Variants in ANKRD45 observed in about 807,000 individuals in gnomAD.
ANKRD45 encodes the protein ankyrin repeat domain 45, also known as ankyrin repeat domain-containing protein 45.
ANKRD45 carries 21 observed loss-of-function variants against 28.1 expected under a neutral mutation model. The ratio of observed to expected loss-of-function variants is 0.75; its 90% CI spans 0.53 to 1.08. The LOEUF is 1.08. Ranked by LOEUF, ANKRD45 falls within the 50% of genes least tolerant of loss-of-function variation. The probability of loss-of-function intolerance (pLI) is 0.00; values close to 1 mark genes in which losing one functional copy is unlikely to be tolerated. For synonymous variants in ANKRD45, 86 were observed against 103.9 expected (o/e 0.83, Z 1.05); for missense variants, 261 against 308.7 (o/e 0.85, Z 1.16).
At chr1:173,688,087 T>C in the ANKRD45 span, among the ~76,000 whole-genome samples, 1 of 152,180 alleles carries the variant, frequency 6.6e-6, no homozygotes, top group East Asian at 1.9e-4. Flanking sequence ...CTACGGGTTA[T>C]TGGGTTAAGG....
the ANKRD45 span, among the ~76,000 whole-genome samples, chr1:173,710,962 A>G: frequency 6.6e-6 from 1 of 152,060 alleles, no homozygotes; most frequent in Non-Finnish European, 1.5e-5. Context: ...CTGTGATTGC[A>G]CTACTGCACT....
chr1:173,614,960 G>A (rs1345123096), intron 5 of ANKRD45, among the ~76,000 whole-genome samples: 2 of 151,984 alleles, frequency 1.3e-5, no homozygotes, highest in African/African-American at 4.8e-5. Context: ...GCAATGACAG[G>A]TGCACGCCAC....
rs1669678736 is a variant in ANKRD45 at position 173,659,253 on chromosome 1, C to T, written c.166G>A (p.Glu56Lys). Reference sequence around the variant, plus strand: ...TCATGATGAGGATTCTCAGGATCCTCAAATATCTTCTGCAAACCCTCTACA... The same window carrying T: ...TCATGATGAGGATTCTCAGGATCCTTAAATATCTTCTGCAAACCCTCTACA... ...GDVEGLQKIF[E>K]DPENPHHEQA... Residue 56 changes from glutamate to lysine, a missense_variant, in exon 2 of 6, where the codon GAG becomes AAG. By Grantham distance (56) the Glu-to-Lys change is moderately conservative. Coordinates refer to ENST00000333279, the MANE Select transcript of ANKRD45 (RefSeq NM_198493.3). The T allele has an allele frequency of 6.2e-7, 1 of 1,613,984 alleles. No individual in the cohort carries two copies. The highest frequency in any genetic ancestry group is 1.3e-5 in the African/African-American group (1 of 74,894).
the ANKRD45 span, among the ~76,000 whole-genome samples, chr1:173,677,986 C>G: frequency 6.6e-6 from 1 of 151,974 alleles, no homozygotes; most frequent in Non-Finnish European, 1.5e-5. Context: ...CCACAACAAA[C>G]AGAACTGTGG....
the ANKRD45 span, among the ~76,000 whole-genome samples, chr1:173,693,427 G>A: frequency 6.6e-6 from 1 of 152,088 alleles, no homozygotes; most frequent in Non-Finnish European, 1.5e-5. Flanking sequence ...ACAAGCACTG[G>A]TTATAGACAT....
the ANKRD45 span, among the ~76,000 whole-genome samples, chr1:173,703,539 C>T: frequency 8.5e-4 from 130 of 152,268 alleles, 1 homozygote; most frequent in Middle Eastern, 3.4e-3. Flanking sequence ...ATTCACATGC[C>T]TCTACCTCAG....
rs777698855 is a variant in ANKRD45, at chr1:173,627,051, T to A, written c.591+14A>T. On this transcript the variant is annotated intron_variant, in intron 4 of 5. Coordinates refer to ENST00000333279, the MANE Select transcript of ANKRD45 (RefSeq NM_198493.3). ...CAAAACACTACAGAACAAGCAATAA[T>A]CACAATACAGTACCTTGTCTTCCTT... is the stretch of plus-strand genomic sequence containing the variant. The A allele has an allele frequency of 6.4e-7, 1 of 1,566,488 alleles. No homozygotes were observed. The highest frequency in any genetic ancestry group is 8.8e-7 in the Non-Finnish European group (1 of 1,142,162).
chr1:173,688,395 C>CCTCT, the ANKRD45 span, among the ~76,000 whole-genome samples: 37 of 119,324 alleles, frequency 3.1e-4, no homozygotes, highest in Middle Eastern at 0.011. Context: ...TCTGCCTCTT[C>CCTCT]CTCTCTCTGC....
chr1:173,651,468 C>G (rs924654315), intron 2 of ANKRD45, among the ~76,000 whole-genome samples: 16 of 152,104 alleles, frequency 1.1e-4, no homozygotes, highest in Admixed American at 3.3e-4. Flanking sequence ...GTTTTGGTAC[C>G]AGTACCATGC....
chr1:173,707,331 T>C, the ANKRD45 span, among the ~76,000 whole-genome samples: 1 of 151,900 alleles, frequency 6.6e-6, no homozygotes, highest in Non-Finnish European at 1.5e-5. Flanking sequence ...TTCAGGGAAG[T>C]GTTTCTCCTT....
At chr1:173,689,674 T>C in the ANKRD45 span, among the ~76,000 whole-genome samples, 1 of 152,178 alleles carries the variant, frequency 6.6e-6, no homozygotes, top group Non-Finnish European at 1.5e-5. Context: ...TCCTGTTGTA[T>C]ATCAAGTGCT....
At chr1:173,656,409 C>T (rs375859269) in intron 2 of ANKRD45, among the ~76,000 whole-genome samples, 5 of 152,204 alleles carry the variant, frequency 3.3e-5, no homozygotes, top group African/African-American at 1.2e-4. Flanking sequence ...ACTCTCTTAG[C>T]ACTAATAGTA....
At chr1:173,672,478 A>G (rs922445794), upstream of ANKRD45, among the ~76,000 whole-genome samples, 1 of 152,220 alleles carries the variant, frequency 6.6e-6, no homozygotes, top group African/African-American at 2.4e-5. Flanking sequence ...TTTTTCATTA[A>G]TCTTCAGGGG....
chr1:173,699,915 GA>G, the ANKRD45 span, among the ~76,000 whole-genome samples: 1 of 152,124 alleles, frequency 6.6e-6, no homozygotes, highest in African/African-American at 2.4e-5. Flanking sequence ...TGTATATTTA[GA>G]AAACCGCATC....
At chr1:173,638,715 C>A (rs1668571072) in intron 3 of ANKRD45, among the ~76,000 whole-genome samples, 2 of 152,122 alleles carry the variant, frequency 1.3e-5, no homozygotes, top group African/African-American at 4.8e-5. Flanking sequence ...TATTTTAAAT[C>A]AAAAAGCAGG....
At chr1:173,690,662 A>T in the ANKRD45 span, among the ~76,000 whole-genome samples, 1 of 152,210 alleles carries the variant, frequency 6.6e-6, no homozygotes, top group Non-Finnish European at 1.5e-5. Flanking sequence ...GCAATATTTT[A>T]ACATTTGTTG....
At chr1:173,675,019 T>C in the ANKRD45 span, among the ~76,000 whole-genome samples, 1 of 151,946 alleles carries the variant, frequency 6.6e-6, no homozygotes, top group Admixed American at 6.6e-5. Flanking sequence ...TTATGTCCTA[T>C]GAAGAGAAAA....
chr1:173,714,797 C>T, the ANKRD45 span: 1 of 152,212 alleles, frequency 6.6e-6, no homozygotes, highest in Non-Finnish European at 1.5e-5. Context: ...AAGGAACCCC[C>T]ACGAGGATAA....
chr1:173,657,620 T>A (rs1669592854), intron 2 of ANKRD45: 1 of 126,210 alleles, frequency 7.9e-6, no homozygotes, highest in African/African-American at 2.9e-5. Flanking sequence ...TTCTTTCTTC[T>A]TCTTCTTTTT....
Sources: gnomAD v4.1 joint callset for allele counts (sites outside exome capture counted in the v4.1 genomes callset) on GRCh38, gnomAD v4.1.1 for gene constraint, MANE v1.5 for transcripts, NCBI Gene and HGNC (gene_info 2026-07-23, HGNC 2026-07-21) for gene names.